RARB: variants seen among roughly 807,000 people sequenced by gnomAD.
The protein encoded by RARB is HBV-activated protein.
RARB carries 17 observed loss-of-function variants against 51.9 expected under a neutral mutation model. The observed-to-expected ratio is 0.33, with a 90% CI of 0.22 to 0.49. The LOEUF is 0.49. RARB is among the 20% of genes least tolerant of loss of function. The probability of loss-of-function intolerance (pLI) is 0.99; values close to 1 mark genes in which losing one functional copy is unlikely to be tolerated. For synonymous variants in RARB, 215 were observed against 195.4 expected, an observed-to-expected ratio of 1.10 and a Z score of -0.84; for missense variants, 369 against 550.8, an observed-to-expected ratio of 0.67 and a Z score of 3.30.
intron 5 of RARB, among the ~76,000 whole-genome samples, chr3:25,175,814 G>T (rs1038258156): frequency 6.6e-6 from 1 of 152,112 alleles, no homozygotes; most frequent in Admixed American, 6.5e-5. Context: ...CTCTGGAATT[G>T]CCTAAAAACC....
intron 3 of RARB, among the ~76,000 whole-genome samples, chr3:25,120,416 T>A (rs1313614379): frequency 6.6e-6 from 1 of 152,028 alleles, no homozygotes; most frequent in Non-Finnish European, 1.5e-5. Context: ...GTAAACACCA[T>A]CTTTTAAAAA....
chr3:25,270,443 C>A (rs1212341338), intron 5 of RARB, among the ~76,000 whole-genome samples: 1 of 152,082 alleles, frequency 6.6e-6, no homozygotes, highest in Non-Finnish European at 1.5e-5. Flanking sequence ...TCATAGAGAT[C>A]TGTACACCTA....
intron 3 of RARB, among the ~76,000 whole-genome samples, chr3:25,542,935 G>A (rs995281337): frequency 2.8e-4 from 43 of 152,296 alleles, no homozygotes; most frequent in African/African-American, 8.7e-4. Flanking sequence ...GGTGGTGGTG[G>A]TAATCTGATT....
chr3:25,437,531 G>A (rs1200064281), intron 1 of RARB, among the ~76,000 whole-genome samples: 3 of 152,088 alleles, frequency 2.0e-5, no homozygotes, highest in Non-Finnish European at 4.4e-5. Context: ...ATAATGGGAA[G>A]AACTTGTGAC....
chr3:25,390,176 G>C (rs115774279), intron 5 of RARB, among the ~76,000 whole-genome samples: 2,223 of 152,238 alleles, frequency 0.015, 58 homozygotes, highest in African/African-American at 0.051. Flanking sequence ...GGGCCCTTAT[G>C]AATGGAATTC....
At chr3:25,570,675 G>A (rs947282143) in intron 4 of RARB, among the ~76,000 whole-genome samples, 2 of 152,132 alleles carry the variant, frequency 1.3e-5, no homozygotes, top group Admixed American at 6.5e-5. Context: ...TTTCCAAGTG[G>A]TTTTTGCATG....
chr3:25,044,952 G>T (rs1433901638), intron 2 of RARB, among the ~76,000 whole-genome samples: 1 of 152,134 alleles, frequency 6.6e-6, no homozygotes, highest in Non-Finnish European at 1.5e-5. Flanking sequence ...TTTGAAGGGG[G>T]AATCATGAAC....
chr3:25,451,588 A>G (rs761159905), intron 1 of RARB, among the ~76,000 whole-genome samples: 7 of 152,202 alleles, frequency 4.6e-5, no homozygotes, highest in Non-Finnish European at 1.0e-4. Flanking sequence ...TTTTATTGAG[A>G]AAAAGAGGGT....
At chr3:24,849,267 C>T (rs1471344240) in intron 1 of RARB, among the ~76,000 whole-genome samples, 1 of 152,104 alleles carries the variant, frequency 6.6e-6, no homozygotes, top group Admixed American at 6.5e-5. Flanking sequence ...ACTATAATTA[C>T]CTGTTTTCAG....
Position 24,878,210 on chromosome 3 carries a change from ATTTT to A in RARB, c.-380+19469_-380+19472del, listed in dbSNP as rs58436769. 3.3e-3 allele frequency among the ~76,000 whole-genome samples: 476 copies of A among 146,404 alleles called. 3 individuals are homozygous for A. Among genetic ancestry groups the A allele is most frequent in the African/African-American group, 0.01 (416 of 40,246 alleles). On this transcript the variant is annotated intron_variant, in intron 2 of 11. Transcript: ENST00000383772. ...TTGCCTATATTAATATAGCCAAACC[ATTTT>A]TTTTTTTTTTGCTTGTAGTTTCCTT...
chr3:25,334,687 T>TA (rs1465326985), intron 5 of RARB, among the ~76,000 whole-genome samples: 5 of 151,726 alleles, frequency 3.3e-5, no homozygotes, highest in African/African-American at 9.7e-5. Context: ...ATAAAAAAAG[T>TA]AAAAAATAAA....
At chr3:25,263,891 A>C (rs185773000) in intron 5 of RARB, among the ~76,000 whole-genome samples, 51 of 152,236 alleles carry the variant, frequency 3.4e-4, no homozygotes, top group Admixed American at 3.1e-3. Flanking sequence ...AGCAGTTCTG[A>C]AGGGGGAGAG....
At chr3:24,943,128 C>CA (rs1559405665) in intron 2 of RARB, among the ~76,000 whole-genome samples, 1 of 152,124 alleles carries the variant, frequency 6.6e-6, no homozygotes, top group Non-Finnish European at 1.5e-5. Context: ...ATTCCTAAAT[C>CA]AGACTATGTA....
intron 4 of RARB, among the ~76,000 whole-genome samples, chr3:25,162,949 T>G (rs548536101): frequency 5.3e-5 from 8 of 152,348 alleles, no homozygotes; most frequent in African/African-American, 1.9e-4. Flanking sequence ...GAATTGAAAT[T>G]ACTGGGTTAT....
intron 2 of RARB, among the ~76,000 whole-genome samples, chr3:25,479,541 G>C (rs1372334828): frequency 6.6e-6 from 1 of 152,142 alleles, no homozygotes; most frequent in East Asian, 1.9e-4. Context: ...ATCCTTATAA[G>C]TACATGTGAT....
intron 1 of RARB, among the ~76,000 whole-genome samples, chr3:24,847,711 GCCAT>G (rs1449383694): frequency 2.6e-5 from 4 of 152,204 alleles, no homozygotes; most frequent in Admixed American, 2.6e-4. Flanking sequence ...ATAATTGTAG[GCCAT>G]TGCTGCTCCA....
rs540042863 is a variant in RARB, at chr3:25,165,015, C to T, written c.-279-9104C>T. ...ACTCAAGATTGGGCACCTTACTCTT[C>T]TAAAAGGGGCAGTTAAGTACTGAGT... On this transcript the variant is annotated intron_variant, in intron 4 of 11. Coordinates refer to the RARB transcript ENST00000383772. Among the ~76,000 whole-genome samples the T allele has an allele frequency of 6.3e-4, 96 of 152,210 alleles. 1 individual carries two copies. The South Asian group carries it at 0.019, about 30-fold the overall frequency.
chr3:25,510,480 G>T (rs1422645841), intron 3 of RARB, among the ~76,000 whole-genome samples: 1 of 151,920 alleles, frequency 6.6e-6, no homozygotes, highest in Non-Finnish European at 1.5e-5. Flanking sequence ...AAAAAAATTA[G>T]CCGGGCATGG....
At chr3:24,988,694 G>T (rs1328772430) in intron 2 of RARB, among the ~76,000 whole-genome samples, 1 of 152,098 alleles carries the variant, frequency 6.6e-6, no homozygotes, top group Non-Finnish European at 1.5e-5. Flanking sequence ...TATTATGTAT[G>T]CAATGATATC....
Sources: gnomAD v4.1 joint callset for allele counts (sites outside exome capture counted in the v4.1 genomes callset) on GRCh38, gnomAD v4.1.1 for gene constraint, MANE v1.5 for transcripts, NCBI Gene and HGNC (gene_info 2026-07-23, HGNC 2026-07-21) for gene names.